RBFOX1: variants seen among roughly 807,000 people sequenced by gnomAD.
RBFOX1 encodes the protein RNA binding protein fox-1 homolog 1.
A neutral mutation model predicts 57.7 loss-of-function variants in RBFOX1; 8 were observed. That is an observed-to-expected ratio of 0.14 (90% CI 0.08 to 0.25). The LOEUF is 0.25. Among genes scored for constraint, RBFOX1 ranks in the 10% least tolerant of loss-of-function variants. The probability of loss-of-function intolerance (pLI) is 1.00; values close to 1 mark genes in which losing one functional copy is unlikely to be tolerated. For missense variants in RBFOX1, 611 were observed against 548.5 expected, an observed-to-expected ratio of 1.11 and a Z score of -1.14; for synonymous variants, 326 against 222.4, an observed-to-expected ratio of 1.47 and a Z score of -4.15.
At chr16:6,896,265 C>G (rs942662790) in intron 3 of RBFOX1, among the ~76,000 whole-genome samples, 4 of 152,102 alleles carry the variant, frequency 2.6e-5, no homozygotes, top group Non-Finnish European at 5.9e-5. Context: ...TGTCTCAAAA[C>G]AAAACATAAA....
Position 6,940,038 on chromosome 16 carries a change from A to C in RBFOX1, c.-15-112019A>C, listed in dbSNP as rs141233675. On this transcript the variant is annotated intron_variant, in intron 3 of 15. Transcript: ENST00000550418. ...CAGGTCAGCCTGGCCTACAGGGCAAAACCCTGTCTCTACTGAAAATACAAA... is the reference window on the plus strand; with the variant it reads ...CAGGTCAGCCTGGCCTACAGGGCAACACCCTGTCTCTACTGAAAATACAAA... Among the ~76,000 whole-genome samples the C allele has an allele frequency of 2.7e-4, 41 of 152,294 alleles. No homozygotes were observed. The East Asian group carries it at 6.8e-3, about 25-fold the overall frequency.
chr16:5,803,287 C>G (rs1395340116), intron 3 of RBFOX1, among the ~76,000 whole-genome samples: 2 of 152,166 alleles, frequency 1.3e-5, no homozygotes, highest in Admixed American at 6.5e-5. Context: ...AACACAGGCT[C>G]TAAGAGTTCC....
chr16:5,670,166 G>A (rs182783358), intron 3 of RBFOX1, among the ~76,000 whole-genome samples: 55 of 152,200 alleles, frequency 3.6e-4, no homozygotes, highest in African/African-American at 1.3e-3. Context: ...TGGTTACTGG[G>A]GGCTGGGGGC....
intron 4 of RBFOX1, among the ~76,000 whole-genome samples, chr16:7,054,334 G>A (rs1282104261): frequency 9.3e-5 from 13 of 139,804 alleles, no homozygotes; most frequent in African/African-American, 3.4e-4. Flanking sequence ...CTGACTCCCT[G>A]GTTTAAGCAA....
chr16:6,926,649 G>T (rs1275883631), intron 3 of RBFOX1, among the ~76,000 whole-genome samples: 1 of 152,124 alleles, frequency 6.6e-6, no homozygotes, highest in Non-Finnish European at 1.5e-5. Flanking sequence ...ACACAGCTTT[G>T]CGGGCTGAGT....
chr16:5,351,098 A>C (rs148425604), intron 1 of RBFOX1, among the ~76,000 whole-genome samples: 21 of 152,326 alleles, frequency 1.4e-4, no homozygotes, highest in African/African-American at 4.8e-4. Context: ...GGATAGGTCT[A>C]AGCCTTGTTA....
chr16:5,253,652 G>C (rs1440799390), intron 1 of RBFOX1, among the ~76,000 whole-genome samples: 2 of 152,218 alleles, frequency 1.3e-5, no homozygotes, highest in Non-Finnish European at 2.9e-5. Flanking sequence ...TTAGGAGATA[G>C]TTTCTATTTA....
At chr16:6,582,132 T>A (rs1350233981) in intron 2 of RBFOX1, among the ~76,000 whole-genome samples, 1 of 152,198 alleles carries the variant, frequency 6.6e-6, no homozygotes, top group Non-Finnish European at 1.5e-5. Context: ...GAAAGCTGAT[T>A]TAAGTCATAT....
intron 2 of RBFOX1, among the ~76,000 whole-genome samples, chr16:5,589,617 G>T (rs530753144): frequency 6.6e-6 from 1 of 152,200 alleles, no homozygotes; most frequent in Non-Finnish European, 1.5e-5. Flanking sequence ...CTACATGAAA[G>T]TGGCTAGTCC....
chr16:6,075,082 A>G (rs149685217), intron 1 of RBFOX1, among the ~76,000 whole-genome samples: 11 of 152,360 alleles, frequency 7.2e-5, no homozygotes, highest in South Asian at 4.1e-4. Flanking sequence ...TGGATGGTCA[A>G]TAATAAAGAA....
chr16:6,719,518 G>C (rs2065516541), intron 3 of RBFOX1, among the ~76,000 whole-genome samples: 1 of 151,094 alleles, frequency 6.6e-6, no homozygotes, highest in Non-Finnish European at 1.5e-5. Flanking sequence ...TTGGCTCACT[G>C]TTAGCTCCAC....
At position 6,974,314 on chromosome 16, in the gene RBFOX1, T is replaced by C. The variant is rs146250967; in HGVS notation, c.-15-77743T>C. Reference sequence around the variant, plus strand: ...AATAACAGTCCAGTTTGTGGTGATATAAATCACATTTTTTTCTTTTTCTTT... The same window carrying C: ...AATAACAGTCCAGTTTGTGGTGATACAAATCACATTTTTTTCTTTTTCTTT... On this transcript the variant is annotated intron_variant, in intron 3 of 15. Coordinates refer to ENST00000550418, the MANE Select transcript of RBFOX1 (RefSeq NM_018723.4). Among the ~76,000 whole-genome samples, 500 of 148,122 alleles carry C rather than the reference T, an allele frequency of 3.4e-3. 4 individuals carry two copies. The highest frequency in any genetic ancestry group is 5.3e-3 in the Non-Finnish European group (355 of 66,954).
At chr16:6,842,909 A>G (rs768794099) in intron 3 of RBFOX1, among the ~76,000 whole-genome samples, 1 of 152,028 alleles carries the variant, frequency 6.6e-6, no homozygotes, top group Non-Finnish European at 1.5e-5. Flanking sequence ...CTTATGAGTG[A>G]GAACATGCAG....
intron 1 of RBFOX1, among the ~76,000 whole-genome samples, chr16:5,351,102 CTTG>C (rs1462356320): frequency 2.0e-5 from 3 of 152,136 alleles, no homozygotes; most frequent in African/African-American, 7.2e-5. Flanking sequence ...AGGTCTAAGC[CTTG>C]TTAAGGATGT....
At chr16:7,633,364 C>T (rs2061283432) in intron 11 of RBFOX1, among the ~76,000 whole-genome samples, 2 of 152,228 alleles carry the variant, frequency 1.3e-5, no homozygotes, top group Admixed American at 6.5e-5. Flanking sequence ...CAACATCCTT[C>T]ATTTCTAAAT....
At chr16:6,455,140 G>A (rs1320158796) in intron 2 of RBFOX1, among the ~76,000 whole-genome samples, 6 of 150,378 alleles carry the variant, frequency 4.0e-5, no homozygotes, top group Admixed American at 6.6e-5. Context: ...GGATCCACCC[G>A]CCCTGGCCTC....
chr16:7,137,159 C>G (rs2072256499), intron 4 of RBFOX1, among the ~76,000 whole-genome samples: 1 of 152,228 alleles, frequency 6.6e-6, no homozygotes, highest in Non-Finnish European at 1.5e-5. Context: ...CTAGGTACAT[C>G]TGAGTCCAGC....
At chr16:6,730,000 T>C (rs2068139023) in intron 3 of RBFOX1, among the ~76,000 whole-genome samples, 1 of 152,034 alleles carries the variant, frequency 6.6e-6, no homozygotes, top group South Asian at 2.1e-4. Flanking sequence ...TGTTGAATAT[T>C]TTTGTCTAGG....
chr16:7,119,824 G>A (rs558689050), intron 4 of RBFOX1, among the ~76,000 whole-genome samples: 1 of 152,214 alleles, frequency 6.6e-6, no homozygotes, highest in South Asian at 2.1e-4. Context: ...GGCTGTAGAA[G>A]TACTGAACAA....
Sources: gnomAD v4.1 joint callset for allele counts (sites outside exome capture counted in the v4.1 genomes callset) on GRCh38, gnomAD v4.1.1 for gene constraint, MANE v1.5 for transcripts, NCBI Gene and HGNC (gene_info 2026-07-23, HGNC 2026-07-21) for gene names.